The following PTPN13 variants were observed in gnomAD, a reference collection of about 807,000 sequenced individuals.
PTPN13 encodes the protein tyrosine-protein phosphatase non-receptor type 13.
In PTPN13, 191 loss-of-function variants were observed where a neutral mutation model predicts 284.0. The observed-to-expected ratio is 0.67, with a 90% confidence interval of 0.60 to 0.76. PTPN13 has a LOEUF of 0.76. Ranked by LOEUF, PTPN13 falls within the 30% of genes least tolerant of loss-of-function variation. The probability of loss-of-function intolerance (pLI) is 0.00; values close to 1 mark genes in which losing one functional copy is unlikely to be tolerated. For synonymous variants in PTPN13, 986 were observed against 1,022.3 expected, an observed-to-expected ratio of 0.96 and a Z score of 0.68; for missense variants, 2,797 against 2,939.9, an observed-to-expected ratio of 0.95 and a Z score of 1.12.
At chr4:86,812,167 G>T (rs973743510) in intron 47 of PTPN13, among the ~76,000 whole-genome samples, 1 of 151,294 alleles carries the variant, frequency 6.6e-6, no homozygotes, top group Non-Finnish European at 1.5e-5. Flanking sequence ...AAAATTAGCC[G>T]GGCGTAGTGG....
rs1387156790 is a variant in PTPN13 at position 86,767,959 on chromosome 4, A to G, written c.4472A>G (p.Tyr1491Cys). 1 of 1,610,918 alleles carries G rather than the reference A, an allele frequency of 6.2e-7. No homozygotes were observed. Among genetic ancestry groups the G allele is most frequent in the Admixed American group, 1.7e-5 (1 of 59,408 alleles). ...KVKKTTQVKD[Y>C]SFVTEENTFE... ...AAGAAAACAACTCAGGTCAAAGACT[A>G]CAGCTTTGTCACTGAAGGTCAGGCC... Residue 1491 changes from tyrosine (Y) to cysteine (C), a missense_variant, in exon 28 of 48, where the codon TAC becomes TGC. Coordinates refer to ENST00000411767, the MANE Select transcript of PTPN13 (RefSeq NM_080683.3).
At chr4:86,713,725 A>T (rs1226225108) in intron 7 of PTPN13, among the ~76,000 whole-genome samples, 2 of 152,260 alleles carry the variant, frequency 1.3e-5, no homozygotes, top group Non-Finnish European at 1.5e-5. Context: ...GTGGCCAGTC[A>T]TCTATACTTC....
intron 20 of PTPN13, among the ~76,000 whole-genome samples, chr4:86,755,749 A>G (rs565994078): frequency 3.3e-5 from 5 of 152,096 alleles, no homozygotes; most frequent in South Asian, 2.1e-4. Flanking sequence ...ATAAGTTAAC[A>G]TAAGTGTTCT....
rs1739808216 is a variant in PTPN13, at chr4:86,770,092, T to G, written c.4705-9T>G. ...CTGTACCTTCATTTGTCATTCATGGTACCCCCAGGAAGTCATATCTGCTCT... is the reference window on the plus strand; with the variant it reads ...CTGTACCTTCATTTGTCATTCATGGGACCCCCAGGAAGTCATATCTGCTCT... On this transcript the variant is annotated splice_polypyrimidine_tract_variant and intron_variant, in intron 29 of 47. Coordinates refer to ENST00000411767, the MANE Select transcript of PTPN13 (RefSeq NM_080683.3). 1 of 1,612,800 alleles carries G rather than the reference T, an allele frequency of 6.2e-7. No homozygotes were observed. The highest frequency in any genetic ancestry group is 1.1e-5 in the South Asian group (1 of 91,030).
In PTPN13 at chr4:86,809,090, A is replaced by C. The variant is rs1744946124; in HGVS notation, c.7084-679A>C. 2.6e-5 allele frequency among the ~76,000 whole-genome samples: 4 copies of C among 152,094 alleles called. 1 individual carries two copies. The South Asian group carries it at 8.3e-4, about 32-fold the overall frequency. On this transcript the variant is annotated intron_variant, in intron 45 of 47. Transcript: ENST00000411767. ...ACAGAGAATCATTTGGCTTGATGAAAGTGGCCATGGGGAAAGAGAGGAGGA... is the reference window on the plus strand; with the variant it reads ...ACAGAGAATCATTTGGCTTGATGAACGTGGCCATGGGGAAAGAGAGGAGGA...
At chr4:86,799,308 C>A in intron 42 of PTPN13, 104 bp downstream of exon 42, 449 of 503,010 alleles carry the variant, frequency 8.9e-4, no homozygotes, top group Non-Finnish European at 1.2e-3. Flanking sequence ...CATATGTATA[C>A]ATTATTTGCT....
At chr4:86,812,459 A>T (rs1052041829) in intron 47 of PTPN13, among the ~76,000 whole-genome samples, 1 of 152,242 alleles carries the variant, frequency 6.6e-6, no homozygotes, top group Non-Finnish European at 1.5e-5. Context: ...CATGTAAATT[A>T]TATAGGATCC....
chr4:86,669,446 A>C (rs1727488303), intron 2 of PTPN13, among the ~76,000 whole-genome samples: 1 of 151,960 alleles, frequency 6.6e-6, no homozygotes, highest in South Asian at 2.1e-4. Flanking sequence ...GTACGCTATA[A>C]ATAAGTATGA....
chr4:86,793,713 C>T (rs1742963061), intron 40 of PTPN13, among the ~76,000 whole-genome samples: 2 of 152,314 alleles, frequency 1.3e-5, no homozygotes, highest in South Asian at 4.1e-4. Context: ...CTCAAAACCA[C>T]ACAACTACAT....
chr4:86,595,854 G>C (rs950147138), intron 1 of PTPN13: 20 of 624,996 alleles, frequency 3.2e-5, no homozygotes, highest in Non-Finnish European at 3.8e-5. Context: ...ATGGGGGGGG[G>C]AGTAAAAGTG....
intron 25 of PTPN13, among the ~76,000 whole-genome samples, chr4:86,765,106 A>G (rs546025995): frequency 7.9e-5 from 12 of 152,354 alleles, no homozygotes; most frequent in African/African-American, 2.9e-4. Flanking sequence ...TCTCCATAAT[A>G]TGTAATACCT....
chr4:86,617,599 C>T (rs1720710302), intron 1 of PTPN13, among the ~76,000 whole-genome samples: 1 of 152,006 alleles, frequency 6.6e-6, no homozygotes, highest in South Asian at 2.1e-4. Context: ...TCTGTTGTTT[C>T]CTGACTTTTT....
intron 40 of PTPN13, among the ~76,000 whole-genome samples, chr4:86,794,107 C>A (rs1010695792): frequency 3.9e-5 from 6 of 151,990 alleles, no homozygotes; most frequent in African/African-American, 1.4e-4. Context: ...AGCAAAAAGT[C>A]AAATTGTCTC....
rs1736173612 is a variant in PTPN13, at chr4:86,741,559, A to G, written c.2305-75A>G. Reference sequence around the variant, plus strand: ...ATTTGTGGGGGGACACGGCCAAACCATATCATACAGCTTCAATATCTTTAT... The same window carrying G: ...ATTTGTGGGGGGACACGGCCAAACCGTATCATACAGCTTCAATATCTTTAT... On this transcript the variant is annotated intron_variant, in intron 15 of 47. Transcript: ENST00000411767. 3 of 1,369,100 alleles carry G rather than the reference A, an allele frequency of 2.2e-6. No individual in the cohort carries two copies. In the Admixed American group the frequency reaches 6.0e-5, roughly 27 times the overall value. 84.8% of individuals were successfully genotyped at this position (1,369,100 alleles called of 1,614,324 possible).
At chr4:86,728,654 T>TATTTTTTA (rs1264512583) in intron 10 of PTPN13, among the ~76,000 whole-genome samples, 1 of 100,970 alleles carries the variant, frequency 9.9e-6, no homozygotes, top group African/African-American at 3.8e-5. Context: ...TTTTTTTTTT[T>TATTTTTTA]TTTTTTTTTT....
chr4:86,793,045 A>G (rs1439593090), intron 40 of PTPN13, among the ~76,000 whole-genome samples: 2 of 152,230 alleles, frequency 1.3e-5, no homozygotes, highest in African/African-American at 2.4e-5. Flanking sequence ...AAATGCCCCA[A>G]TTAAAAGACA....
chr4:86,609,854 G>A (rs1565136929), intron 1 of PTPN13, among the ~76,000 whole-genome samples: 2 of 152,140 alleles, frequency 1.3e-5, no homozygotes, highest in East Asian at 1.9e-4. Context: ...GTTGTACTTC[G>A]GGGGACTTAG....
Position 86,722,359 on chromosome 4 carries a change from G to A in PTPN13, c.1533G>A (p.Ala511=), listed in dbSNP as rs367726205. ...LSLYPGDTIK[A]SMLDITRDPL... is the part of the protein sequence containing the mutation. Reference sequence around the variant, plus strand: ...TATATCCAGGAGACACAATCAAAGCGTCCATGCTTGACATCACCAGGGATC... The same window carrying A: ...TATATCCAGGAGACACAATCAAAGCATCCATGCTTGACATCACCAGGGATC... The change falls in exon 10 of 48, where the codon GCG becomes GCA. Residue 511 remains alanine (A), a synonymous_variant. Coordinates refer to ENST00000411767, the MANE Select transcript of PTPN13 (RefSeq NM_080683.3). 456 of 1,613,672 alleles carry A rather than the reference G, an allele frequency of 2.8e-4. 4 individuals carry two copies. In the South Asian group the frequency reaches 3.9e-3, roughly 14 times the overall value.
rs1738237721 is a variant in PTPN13 at position 86,758,320 on chromosome 4, A to T, written c.3284A>T (p.Asn1095Ile). The change falls in exon 21 of 48, where the codon AAC (asparagine) becomes ATC (isoleucine). Residue 1095 changes from asparagine to isoleucine, a missense_variant. By Grantham distance (149) the Asn-to-Ile change is moderately radical. Transcript: ENST00000411767. ...SSPEREITLV[N>I]LKKDAKYGLG... ...CCAGAAAGGGAGATCACCTTAGTGA[A>T]CCTGAAAAAAGATGCAAAGTATGGC... 2 of 1,611,624 alleles carry T rather than the reference A, an allele frequency of 1.2e-6. No homozygotes were observed. The highest frequency in any genetic ancestry group is 1.7e-6 in the Non-Finnish European group (2 of 1,178,596).
Sources: gnomAD v4.1 joint callset for allele counts (sites outside exome capture counted in the v4.1 genomes callset) on GRCh38, gnomAD v4.1.1 for gene constraint, MANE v1.5 for transcripts, NCBI Gene and HGNC (gene_info 2026-07-23, HGNC 2026-07-21) for gene names.